Variants in TMEM204 observed in about 807,000 individuals in gnomAD.
The protein encoded by TMEM204 is transmembrane protein 204, also known as claudin-like protein 24.
TMEM204 carries 15 observed loss-of-function variants against 19.4 expected under a neutral mutation model. That is an observed-to-expected ratio of 0.77 (90% confidence interval 0.52 to 1.19). The LOEUF (loss-of-function observed/expected upper bound fraction) is 1.19, where lower values mean the gene tolerates loss of function less well. Ranked by LOEUF, TMEM204 falls within the 50% of genes most tolerant of loss-of-function variation. TMEM204 has a pLI of 0.00. For synonymous variants in TMEM204, 161 were observed against 146.0 expected (o/e 1.10, Z -0.74); for missense variants, 287 against 321.2 (o/e 0.89, Z 0.81).
At chr16:1,550,071 GAGGCTAC>G (rs2032507418) in intron 2 of TMEM204, among the ~76,000 whole-genome samples, 1 of 152,048 alleles carries the variant, frequency 6.6e-6, no homozygotes, top group Admixed American at 6.6e-5. Context: ...CTGAATAGCT[GAGGCTAC>G]AGGTGTGCAC....
chr16:1,539,385 G>C (rs1447181827), intron 1 of TMEM204, among the ~76,000 whole-genome samples: 1 of 152,270 alleles, frequency 6.6e-6, no homozygotes, highest in Non-Finnish European at 1.5e-5. Flanking sequence ...CACGGTGCCA[G>C]GCTGAGGTCA....
At chr16:1,537,266 C>T (rs951822180) in intron 1 of TMEM204, among the ~76,000 whole-genome samples, 4 of 152,234 alleles carry the variant, frequency 2.6e-5, no homozygotes, top group Admixed American at 2.0e-4. Flanking sequence ...TCCTCACGCA[C>T]ACCAGGCCAC....
chr16:1,553,042 A>G lies in TMEM204; in HGVS notation c.437-1740A>G, dbSNP rs2032798096. 8.1e-6 allele frequency: 8 copies of G among 985,326 alleles called. No individual in the cohort carries two copies. Among genetic ancestry groups the G allele is most frequent in the Non-Finnish European group, 9.6e-6 (8 of 829,938 alleles). The allele number at this position is 985,326 out of a possible 1,614,324, so 61.0% of individuals were successfully genotyped here. A position where few individuals can be genotyped will look rare whatever the true frequency, so the allele number is the denominator to read the frequency against. On this transcript the variant is annotated intron_variant, in intron 2 of 2. Coordinates refer to ENST00000566264, the MANE Select transcript of TMEM204 (RefSeq NM_024600.6). This position sits in a 1 kb window ranked among gnomAD's most constrained non-coding sequence, Gnocchi z 4.4. ...AGTATTATAAAGAATGAACACAGAA[A>G]CCAGTCACTGTCATTGTTCAGGACA...
intron 1 of TMEM204, among the ~76,000 whole-genome samples, chr16:1,539,565 C>T (rs1425460556): frequency 6.6e-6 from 1 of 152,276 alleles, no homozygotes; most frequent in East Asian, 1.9e-4. Flanking sequence ...TGGCTCTCAG[C>T]CCCCGCGTCT....
chr16:1,534,674 C>T (rs140776695), intron 1 of TMEM204, 119 bp downstream of exon 1: 18,874 of 1,438,168 alleles, frequency 0.013, 160 homozygotes, highest in Middle Eastern at 0.022. Context: ...CTGCCCTGAG[C>T]GTGGCCTCTG....
chr16:1,540,615 C>A (rs554777206), intron 1 of TMEM204, among the ~76,000 whole-genome samples: 1 of 152,162 alleles, frequency 6.6e-6, no homozygotes. Context: ...GTGATGAATG[C>A]GGGCACAGGG....
At chr16:1,536,092 C>T (rs890358942) in intron 1 of TMEM204, among the ~76,000 whole-genome samples, 1 of 152,230 alleles carries the variant, frequency 6.6e-6, no homozygotes, top group Non-Finnish European at 1.5e-5. Flanking sequence ...CCACAGAGCA[C>T]CCCCGGGGGA....
At chr16:1,550,272 G>A (rs1486331847) in intron 2 of TMEM204, among the ~76,000 whole-genome samples, 3 of 152,314 alleles carry the variant, frequency 2.0e-5, no homozygotes, top group African/African-American at 4.8e-5. Flanking sequence ...CAGTGTTCTT[G>A]GAAGCAGACA....
At chr16:1,542,693 G>T (rs1275344811) in intron 2 of TMEM204, among the ~76,000 whole-genome samples, 2 of 152,266 alleles carry the variant, frequency 1.3e-5, no homozygotes, top group Non-Finnish European at 2.9e-5. Context: ...CGACAGTGAG[G>T]TGCCTGCACG....
chr16:1,541,727 G>A lies in TMEM204; in HGVS notation c.281-194G>A, dbSNP rs1404200282. 2.6e-5 allele frequency among the ~76,000 whole-genome samples: 4 copies of A among 152,286 alleles called. No homozygotes were observed. The East Asian group carries it at 7.8e-4, about 30-fold the overall frequency. ...TGGGATGAACCCTTCCCATCAGGAA[G>A]ACATGGGACCCAGGGCTTGCAGGCA... On this transcript the variant is annotated intron_variant, in intron 1 of 2. Transcript: ENST00000566264.
chr16:1,546,052 C>A lies in TMEM204; in HGVS notation c.436+3976C>A, dbSNP rs905066899. Among the ~76,000 whole-genome samples, 4 of 152,252 alleles carry A rather than the reference C, an allele frequency of 2.6e-5. No individual in the cohort carries two copies. In the South Asian group the frequency reaches 8.3e-4, roughly 32 times the overall value. ...AGCTTCTCCCCTCTCCTCCTCGTGG[C>A]CTCTTTTCTCTGCACTGCACCTCTG... On this transcript the variant is annotated intron_variant, in intron 2 of 2. Transcript: ENST00000566264.
intron 2 of TMEM204, among the ~76,000 whole-genome samples, chr16:1,543,794 A>G (rs2031888070): frequency 6.6e-6 from 1 of 152,178 alleles, no homozygotes; most frequent in Non-Finnish European, 1.5e-5. Flanking sequence ...GAGGGCCATA[A>G]AACAGAGAAG....
intron 1 of TMEM204, among the ~76,000 whole-genome samples, chr16:1,536,487 G>A (rs568592501): frequency 6.6e-6 from 1 of 152,356 alleles, no homozygotes; most frequent in African/African-American, 2.4e-5. Flanking sequence ...GCATCTGCAG[G>A]TGGCTGACCC....
chr16:1,552,322 T>C (rs2281233), intron 2 of TMEM204, among the ~76,000 whole-genome samples: 24,483 of 151,696 alleles, frequency 0.16, 2,312 homozygotes, highest in African/African-American at 0.23. Flanking sequence ...GCTCCCACTG[T>C]CCCTGCCAAG....
rs2032649491 is a variant in TMEM204, at chr16:1,551,685, A to C, written c.437-3097A>C. 6.6e-6 allele frequency among the ~76,000 whole-genome samples: 1 copy of C among 152,138 alleles called. No homozygotes were observed. The highest frequency in any genetic ancestry group is 2.4e-5 in the African/African-American group (1 of 41,422). ...AACTTCAGGACATGCTTGTTCACGG[A>C]AGAGCCTAAGATCAGCGGCACTTCA... On this transcript the variant is annotated intron_variant, in intron 2 of 2. Transcript: ENST00000566264. The surrounding 1 kb of genome is among the most constrained non-coding windows in gnomAD (Gnocchi z 4.0).
At chr16:1,548,739 G>A (rs1165275881) in intron 2 of TMEM204, among the ~76,000 whole-genome samples, 1 of 152,222 alleles carries the variant, frequency 6.6e-6, no homozygotes, top group Non-Finnish European at 1.5e-5. Flanking sequence ...AGGTGGGAAG[G>A]ACAGAAGTAA....
chr16:1,533,946 A>G lies in TMEM204; in HGVS notation c.-330A>G. ...TCCACTGCTGCAGGCGAGAAGAGGC[A>G]CGCGCGGCACAGGCCGGCCTCCGCT... On this transcript the variant is annotated 5_prime_UTR_variant, in exon 1 of 3. Transcript: ENST00000566264. The surrounding 1 kb of genome is among the most constrained non-coding windows in gnomAD (Gnocchi z 4.7). 2.6e-6 allele frequency: 1 copy of G among 385,404 alleles called. No individual in the cohort carries two copies. The highest frequency in any genetic ancestry group is 4.7e-6 in the Non-Finnish European group (1 of 214,408). 23.9% of individuals were successfully genotyped at this position (385,404 alleles called of 1,614,324 possible).
intron 1 of TMEM204, chr16:1,541,143 C>T (rs879524296): frequency 4.9e-5 from 48 of 985,356 alleles, no homozygotes; most frequent in Non-Finnish European, 5.7e-5. Context: ...GCCCTGCCCA[C>T]CTGGCTCCTG....
At chr16:1,530,063 C>T (rs1024029156), upstream of TMEM204, among the ~76,000 whole-genome samples, 3 of 151,064 alleles carry the variant, frequency 2.0e-5, no homozygotes, top group African/African-American at 4.9e-5. Flanking sequence ...ATGGCCGCTT[C>T]GTAAACACCA....
Sources: allele counts gnomAD v4.1 joint callset (sites outside exome capture counted in the v4.1 genomes callset), GRCh38; gene constraint gnomAD v4.1.1; non-coding constraint Gnocchi (gnomAD v3.1); transcripts MANE v1.5; gene names NCBI Gene and HGNC (gene_info 2026-07-23, HGNC 2026-07-21).